The following ZNF609 variants were observed in gnomAD, a reference collection of about 807,000 sequenced individuals.
ZNF609 encodes the protein zinc finger protein 609.
A neutral mutation model predicts 109.5 loss-of-function variants in ZNF609; 11 were observed. The ratio of observed to expected loss-of-function variants is 0.10; its 90% CI spans 0.06 to 0.17. ZNF609 has a LOEUF of 0.17. Among genes scored for constraint, ZNF609 ranks in the 10% least tolerant of loss-of-function variants. The pLI is 1.00. For missense variants in ZNF609, 1,559 were observed against 1,772.4 expected, an observed-to-expected ratio of 0.88 and a Z score of 2.16; for synonymous variants, 646 against 662.0, an observed-to-expected ratio of 0.98 and a Z score of 0.37.
intron 2 of ZNF609, among the ~76,000 whole-genome samples, chr15:64,553,930 C>T (rs941658326): frequency 7.2e-5 from 11 of 152,288 alleles, no homozygotes; most frequent in Middle Eastern, 3.4e-3. Flanking sequence ...TGATCTTATA[C>T]GCTGCAACCA....
intron 2 of ZNF609, among the ~76,000 whole-genome samples, chr15:64,597,996 AAATT>A (rs899533641): frequency 4.6e-5 from 7 of 152,262 alleles, no homozygotes; most frequent in Non-Finnish European, 8.8e-5. Flanking sequence ...CTAGAAAAAT[AAATT>A]ATCAATGTAA....
intron 3 of ZNF609, among the ~76,000 whole-genome samples, chr15:64,632,569 C>T (rs1248199679): frequency 1.3e-5 from 2 of 151,896 alleles, no homozygotes; most frequent in African/African-American, 2.4e-5. Flanking sequence ...GCAACCTCCA[C>T]CTCCTGGGTT....
intron 2 of ZNF609, among the ~76,000 whole-genome samples, chr15:64,602,184 T>C (rs1238372668): frequency 2.6e-5 from 4 of 152,218 alleles, no homozygotes; most frequent in Admixed American, 6.5e-5. Context: ...AACTAGAACT[T>C]CTTGCTAAGT....
chr15:64,640,330 G>A (rs369584513), intron 3 of ZNF609, among the ~76,000 whole-genome samples: 62 of 152,096 alleles, frequency 4.1e-4, no homozygotes, highest in African/African-American at 1.3e-3. Context: ...GAGCCGCTGC[G>A]TCAAGACTTG....
chr15:64,528,766 G>A, intron 2 of ZNF609: 5 of 882,260 alleles, frequency 5.7e-6, no homozygotes, highest in Non-Finnish European at 9.4e-6. Flanking sequence ...AGTGGTCCTT[G>A]AGGACAATGG....
At chr15:64,517,574 G>GGATAAA (rs1893831534) in intron 2 of ZNF609, among the ~76,000 whole-genome samples, 1 of 151,962 alleles carries the variant, frequency 6.6e-6, no homozygotes, top group Non-Finnish European at 1.5e-5. Flanking sequence ...CTGGCACTTA[G>GGATAAA]GATAAAGAGT....
chr15:64,484,727 G>T (rs1323077492), intron 1 of ZNF609, among the ~76,000 whole-genome samples: 4 of 139,448 alleles, frequency 2.9e-5, no homozygotes, highest in Non-Finnish European at 6.1e-5. Flanking sequence ...TGTAATCCCA[G>T]CACTTTGGGA....
At chr15:64,571,103 C>T (rs774628778) in intron 2 of ZNF609, among the ~76,000 whole-genome samples, 4 of 152,114 alleles carry the variant, frequency 2.6e-5, no homozygotes, top group Non-Finnish European at 4.4e-5. Context: ...TGATGCTAGA[C>T]GTAAGAGATG....
At chr15:64,507,744 C>T (rs758706035) in intron 2 of ZNF609, among the ~76,000 whole-genome samples, 1 of 152,030 alleles carries the variant, frequency 6.6e-6, no homozygotes. Flanking sequence ...TGAGTCTGTG[C>T]GTGGCAAAGC....
intron 2 of ZNF609, among the ~76,000 whole-genome samples, chr15:64,530,396 T>C (rs1477266640): frequency 6.6e-6 from 1 of 152,212 alleles, no homozygotes; most frequent in African/African-American, 2.4e-5. Context: ...AAAGTAACAC[T>C]GATAACTACT....
At position 64,675,420 on chromosome 15, in the gene ZNF609, G is replaced by A. The variant is rs1439532840; in HGVS notation, c.2566G>A (p.Glu856Lys). The A allele has an allele frequency of 1.9e-6, 3 of 1,614,180 alleles. No individual in the cohort carries two copies. In the Admixed American group the frequency reaches 5.0e-5, roughly 27 times the overall value. Residue 856 changes from glutamate to lysine, a missense_variant, in exon 5 of 10, where the codon GAG becomes AAG. Physicochemically the swap from Glu to Lys is moderately conservative, Grantham distance 56 (BLOSUM62 1). Transcript: ENST00000326648. ...SDISDAGEDG[E>K]GKVDSVKSKD... is the part of the protein sequence containing the mutation. ...CATCTCTGATGCTGGGGAGGATGGG[G>A]AGGGCAAGGTAGACAGTGTCAAATC...
At chr15:64,555,159 G>A (rs7173293) in intron 2 of ZNF609, among the ~76,000 whole-genome samples, 1,733 of 151,492 alleles carry the variant, frequency 0.011, 39 homozygotes, top group African/African-American at 0.04. Context: ...GAGCCCAGGA[G>A]TTCAAGACTG....
rs143835073 is a variant in ZNF609, at chr15:64,517,925, G to A, written c.747+17759G>A. On this transcript the variant is annotated intron_variant, in intron 2 of 9. Coordinates refer to ENST00000326648, the MANE Select transcript of ZNF609 (RefSeq NM_015042.2). ...CTCCCAAGTATCTAGGACTACAGGT[G>A]CGTGCCACCACACCTGACCAATTTT... Among the ~76,000 whole-genome samples the A allele has an allele frequency of 2.4e-3, 367 of 151,946 alleles. 2 individuals are homozygous for A. Among genetic ancestry groups the A allele is most frequent in the African/African-American group, 8.5e-3 (352 of 41,438 alleles).
intron 2 of ZNF609, among the ~76,000 whole-genome samples, chr15:64,601,006 T>C (rs1470058548): frequency 6.6e-6 from 1 of 152,132 alleles, no homozygotes; most frequent in African/African-American, 2.4e-5. Flanking sequence ...CATCACCTTC[T>C]CCCATTTGTT....
intron 2 of ZNF609, among the ~76,000 whole-genome samples, chr15:64,510,895 T>C (rs1421254868): frequency 6.6e-6 from 1 of 152,154 alleles, no homozygotes; most frequent in East Asian, 1.9e-4. Context: ...CATTAAATCC[T>C]TTCTTGGGCT....
At chr15:64,610,225 A>G (rs1895695337) in intron 2 of ZNF609, among the ~76,000 whole-genome samples, 1 of 152,084 alleles carries the variant, frequency 6.6e-6, no homozygotes, top group African/African-American at 2.4e-5. Flanking sequence ...AGAAAACCAA[A>G]TACCACTTGT....
chr15:64,607,847 C>A (rs147616259), intron 2 of ZNF609, among the ~76,000 whole-genome samples: 1 of 12,054 alleles, frequency 8.3e-5, no homozygotes, highest in African/African-American at 1.1e-4. Flanking sequence ...TTCTTTCTTT[C>A]TTTCTTTCTT....
intron 3 of ZNF609, among the ~76,000 whole-genome samples, chr15:64,623,554 C>G (rs981315317): frequency 1.3e-5 from 2 of 152,138 alleles, no homozygotes; most frequent in African/African-American, 2.4e-5. Flanking sequence ...CCCAGCCACC[C>G]ACACCGCTTC....
chr15:64,603,567 C>T (rs1367340005), intron 2 of ZNF609, among the ~76,000 whole-genome samples: 1 of 151,940 alleles, frequency 6.6e-6, no homozygotes, highest in East Asian at 1.9e-4. Flanking sequence ...CTGCACCTGG[C>T]CCACAGTGCC....
Sources: gnomAD v4.1 joint callset for allele counts (sites outside exome capture counted in the v4.1 genomes callset) on GRCh38, gnomAD v4.1.1 for gene constraint, MANE v1.5 for transcripts, NCBI Gene and HGNC (gene_info 2026-07-23, HGNC 2026-07-21) for gene names.